CHN2: variants seen among roughly 807,000 people sequenced by gnomAD.
The protein encoded by CHN2 is beta-chimaerin.
CHN2 carries 35 observed loss-of-function variants against 56.3 expected under a neutral mutation model. That is an observed-to-expected ratio of 0.62 (90% CI 0.47 to 0.82). The LOEUF is 0.82. CHN2 is among the 40% of genes least tolerant of loss of function. The pLI, the probability that CHN2 is intolerant of heterozygous loss-of-function variation, is 0.00. For synonymous variants in CHN2, 210 were observed against 212.8 expected (o/e 0.99, Z 0.12); for missense variants, 491 against 580.5 (o/e 0.85, Z 1.58).
At chr7:29,354,080 C>T (rs1798098445) in intron 1 of CHN2, among the ~76,000 whole-genome samples, 1 of 152,168 alleles carries the variant, frequency 6.6e-6, no homozygotes, top group African/African-American at 2.4e-5. Context: ...CTAAGTCACA[C>T]GTTGGAGTTA....
At chr7:29,253,382 A>G (rs571570500) in intron 1 of CHN2, among the ~76,000 whole-genome samples, 8 of 152,252 alleles carry the variant, frequency 5.3e-5, no homozygotes, top group African/African-American at 1.7e-4. Context: ...AAACTTTTCC[A>G]GAAATCCTCA....
rs55930139 is a variant in CHN2, at chr7:29,204,067, CTGTGTGTGTGTG to C, written c.49+9115_49+9126del. Among the ~76,000 whole-genome samples, 743 of 128,846 alleles carry C rather than the reference CTGTGTGTGTGTG, an allele frequency of 5.8e-3. 3 individuals carry two copies. The highest frequency in any genetic ancestry group is 0.017 in the African/African-American group (552 of 32,718). The allele number at this position is 128,846 out of a possible 152,430, so 84.5% of individuals were successfully genotyped here. ...ACAAAGCACACGTTTTTCTCTCTCT[CTGTGTGTGTGTG>C]TGTGTGTGTGTGTGTGTGTGTGTGT... On this transcript the variant is annotated intron_variant, in intron 1 of 12. Transcript: ENST00000222792.
intron 1 of CHN2, among the ~76,000 whole-genome samples, chr7:29,197,446 A>C (rs551250423): frequency 4.6e-5 from 7 of 152,318 alleles, no homozygotes; most frequent in Non-Finnish European, 8.8e-5. Context: ...GATAAGACCT[A>C]CTTGGTAGAG....
chr7:29,273,933 A>C (rs1790965257), intron 1 of CHN2, among the ~76,000 whole-genome samples: 1 of 152,192 alleles, frequency 6.6e-6, no homozygotes, highest in Non-Finnish European at 1.5e-5. Context: ...CCCTGTAAAA[A>C]GGCCTCAAGG....
chr7:29,411,119 A>T (rs2128097036), intron 6 of CHN2, among the ~76,000 whole-genome samples: 1 of 152,344 alleles, frequency 6.6e-6, no homozygotes, highest in African/African-American at 2.4e-5. Flanking sequence ...ACCTAAATTT[A>T]GACTTCAACA....
intron 12 of CHN2, among the ~76,000 whole-genome samples, chr7:29,510,971 A>G (rs945115674): frequency 6.6e-6 from 1 of 152,076 alleles, no homozygotes; most frequent in African/African-American, 2.4e-5. Context: ...TTCACTGCAC[A>G]TGTGTAATGA....
intron 1 of CHN2, among the ~76,000 whole-genome samples, chr7:29,331,383 G>A (rs1796197913): frequency 6.6e-6 from 1 of 152,204 alleles, no homozygotes; most frequent in Non-Finnish European, 1.5e-5. Context: ...TGTTACTGGA[G>A]CCTGGGGACG....
At chr7:29,503,550 A>G (rs748615185) in intron 9 of CHN2, among the ~76,000 whole-genome samples, 1 of 152,218 alleles carries the variant, frequency 6.6e-6, no homozygotes, top group Admixed American at 6.5e-5. Flanking sequence ...TGGAACTGAG[A>G]TGAATTCTGA....
chr7:29,180,823 C>T (rs1035109486), intron 2 of CHN2, among the ~76,000 whole-genome samples: 4 of 152,124 alleles, frequency 2.6e-5, no homozygotes, highest in African/African-American at 9.7e-5. Context: ...GGACAAGACT[C>T]GTATCATCCG....
intron 1 of CHN2, among the ~76,000 whole-genome samples, chr7:29,324,997 A>T: frequency 6.6e-6 from 1 of 152,142 alleles, no homozygotes; most frequent in Middle Eastern, 3.2e-3. Flanking sequence ...GCTTTGCTGA[A>T]GTCCCCCTTG....
intron 6 of CHN2, among the ~76,000 whole-genome samples, chr7:29,408,510 G>A (rs1802873174): frequency 6.6e-6 from 1 of 152,176 alleles, no homozygotes; most frequent in African/African-American, 2.4e-5. Context: ...CAACACGTGA[G>A]AAGTCCTCTG....
chr7:29,290,271 C>T (rs968999390), intron 1 of CHN2, among the ~76,000 whole-genome samples: 1 of 152,240 alleles, frequency 6.6e-6, no homozygotes, highest in Admixed American at 6.5e-5. Context: ...TATTTTGTCT[C>T]TGAACAGTCC....
At chr7:29,446,143 G>A (rs1007359121) in intron 6 of CHN2, among the ~76,000 whole-genome samples, 3 of 152,088 alleles carry the variant, frequency 2.0e-5, no homozygotes, top group Non-Finnish European at 1.5e-5. Flanking sequence ...TGATTTCAGT[G>A]TACACCCAAG....
intron 2 of CHN2, among the ~76,000 whole-genome samples, chr7:29,356,393 A>G (rs1798319365): frequency 6.6e-6 from 1 of 152,238 alleles, no homozygotes; most frequent in African/African-American, 2.4e-5. Context: ...AAAGACAGAT[A>G]TTAGGGAAAT....
chr7:29,270,870 T>C (rs1455736945), intron 1 of CHN2, among the ~76,000 whole-genome samples: 3 of 151,546 alleles, frequency 2.0e-5, no homozygotes, highest in Non-Finnish European at 2.9e-5. Context: ...ATGGCTTTTT[T>C]TTCTGATAGG....
chr7:29,402,312 A>T (rs975871033), intron 6 of CHN2, among the ~76,000 whole-genome samples: 5 of 152,172 alleles, frequency 3.3e-5, no homozygotes, highest in African/African-American at 1.2e-4. Flanking sequence ...ATGAAAATAT[A>T]ATTTGCCATT....
chr7:29,347,228 ATTTTAAAATAAAATGACC>A (rs1007472466), intron 1 of CHN2, among the ~76,000 whole-genome samples: 17 of 152,172 alleles, frequency 1.1e-4, no homozygotes, highest in African/African-American at 4.1e-4. Context: ...TTTGAAGGCC[ATTTTAAAATAAAATGACC>A]TTTTAAAATA....
intron 6 of CHN2, among the ~76,000 whole-genome samples, chr7:29,453,668 C>T (rs1419096719): frequency 2.6e-5 from 4 of 152,108 alleles, no homozygotes; most frequent in Non-Finnish European, 5.9e-5. Context: ...TCATACTACC[C>T]CCAACATTGA....
chr7:29,392,231 T>G (rs534756206), intron 3 of CHN2, among the ~76,000 whole-genome samples: 1 of 152,342 alleles, frequency 6.6e-6, no homozygotes, highest in South Asian at 2.1e-4. Context: ...TACAGTCACA[T>G]GTCTATAATA....
Sources: gnomAD v4.1 joint callset for allele counts (sites outside exome capture counted in the v4.1 genomes callset) on GRCh38, gnomAD v4.1.1 for gene constraint, MANE v1.5 for transcripts, NCBI Gene and HGNC (gene_info 2026-07-23, HGNC 2026-07-21) for gene names.